Variants in RPP38 observed in about 807,000 individuals in gnomAD.
RPP38 encodes the protein ribonuclease P/MRP subunit p38, also known as ribonuclease P protein subunit p38.
RPP38 carries 2 observed loss-of-function variants against 1.7 expected under a neutral mutation model. The ratio of observed to expected loss-of-function variants is 1.18; its 90% CI spans 0.48 to 3.70. The LOEUF (loss-of-function observed/expected upper bound fraction) is 3.70. Among genes scored for constraint, RPP38 ranks in the 30% most tolerant of loss-of-function variants. RPP38 has a pLI of 0.07. For synonymous variants in RPP38, 151 were observed against 131.8 expected (o/e 1.15, Z -1.00); for missense variants, 358 against 340.1 (o/e 1.05, Z -0.41).
chr10:15,099,077 A>G (rs536803142), intron 1 of RPP38, among the ~76,000 whole-genome samples: 1 of 152,276 alleles, frequency 6.6e-6, no homozygotes, highest in East Asian at 1.9e-4. Context: ...CTGTGAGAAA[A>G]AATACTTAAT....
At chr10:15,098,884 C>CA (rs781428605) in intron 1 of RPP38, among the ~76,000 whole-genome samples, 703 of 39,062 alleles carry the variant, frequency 0.018, 6 homozygotes, top group Non-Finnish European at 0.022. Context: ...GACTCCGTCT[C>CA]AAAAAAAAAA....
At chr10:15,098,547 C>G (rs958716368) in intron 1 of RPP38, among the ~76,000 whole-genome samples, 4 of 150,440 alleles carry the variant, frequency 2.7e-5, no homozygotes, top group Non-Finnish European at 3.0e-5. Context: ...TACTGAGATA[C>G]CTTTCTTTAC....
intron 1 of RPP38, among the ~76,000 whole-genome samples, chr10:15,101,967 C>T (rs1205766623): frequency 6.6e-6 from 1 of 151,966 alleles, no homozygotes; most frequent in East Asian, 1.9e-4. Flanking sequence ...AATTTAGGGC[C>T]CTGGGAGGTG....
In RPP38 at chr10:15,103,350, T is replaced by C. The variant is rs1845176975; in HGVS notation, c.36T>C (p.Ser12=). 1.3e-6 allele frequency: 2 copies of C among 1,596,420 alleles called. No homozygotes were observed. Among genetic ancestry groups the C allele is most frequent in the Non-Finnish European group, 1.7e-6 (2 of 1,172,998 alleles). Residue 12 remains serine (S), a synonymous_variant, in exon 3 of 3, where the codon TCT becomes TCC. Coordinates refer to ENST00000378197, the MANE Select transcript of RPP38 (RefSeq NM_183005.5). ...CTCCTCAAGCACCGGGGCGGGGATCTCTCCGTAAGACGAGACCTCTGGTTG... is the reference window on the plus strand; with the variant it reads ...CTCCTCAAGCACCGGGGCGGGGATCCCTCCGTAAGACGAGACCTCTGGTTG... ...AAAPQAPGRG[S]LRKTRPLVVK... is the part of the protein sequence containing the mutation.
intron 1 of RPP38, among the ~76,000 whole-genome samples, chr10:15,100,515 C>T (rs572887990): frequency 1.1e-4 from 17 of 152,046 alleles, no homozygotes; most frequent in African/African-American, 3.6e-4. Flanking sequence ...AGGGTGTGAT[C>T]TCTCACCCTA....
At chr10:15,101,868 C>T (rs141940047) in intron 1 of RPP38, among the ~76,000 whole-genome samples, 1 of 151,852 alleles carries the variant, frequency 6.6e-6, no homozygotes, top group East Asian at 1.9e-4. Flanking sequence ...CCAGCCTAGG[C>T]AACAAGAGCA....
chr10:15,100,010 T>C (rs1049376366), intron 1 of RPP38, among the ~76,000 whole-genome samples: 20 of 152,192 alleles, frequency 1.3e-4, no homozygotes, highest in African/African-American at 4.8e-4. Context: ...GAGACAGCTC[T>C]AAAGGGCCCT....
intron 1 of RPP38, among the ~76,000 whole-genome samples, chr10:15,101,707 A>G (rs989645984): frequency 6.6e-6 from 1 of 152,050 alleles, no homozygotes; most frequent in African/African-American, 2.4e-5. Flanking sequence ...CCTGGCCAAC[A>G]TGGTGAACCC....
At chr10:15,099,447 C>T (rs75197034) in intron 1 of RPP38, among the ~76,000 whole-genome samples, 6 of 150,974 alleles carry the variant, frequency 4.0e-5, no homozygotes, top group African/African-American at 1.2e-4. Context: ...GCCCAGGCAA[C>T]AAAGCAAGAC....
chr10:15,101,905 A>G lies in RPP38; in HGVS notation c.-129-313A>G, dbSNP rs1031032287. ...AACTCCGTCTCAAAAAACAAAAAAAAGGGAGTGTATGCCTGCATATGTATC... is the reference window on the plus strand; with the variant it reads ...AACTCCGTCTCAAAAAACAAAAAAAGGGGAGTGTATGCCTGCATATGTATC... On this transcript the variant is annotated intron_variant, in intron 1 of 2. Transcript: ENST00000378197. Among the ~76,000 whole-genome samples the G allele has an allele frequency of 9.2e-5, 14 of 152,060 alleles. 1 individual carries two copies. Among genetic ancestry groups the G allele is most frequent in the African/African-American group, 2.9e-4 (12 of 41,404 alleles).
At position 15,103,513 on chromosome 10, in the gene RPP38, A is replaced by G. The variant is rs1269602238; in HGVS notation, c.199A>G (p.Asn67Asp). The change falls in exon 3 of 3, where the codon AAC becomes GAC. Residue 67 changes from asparagine to aspartate, a missense_variant. Physicochemically the swap from Asn to Asp is conservative, Grantham distance 23 (BLOSUM62 1). Transcript: ENST00000378197. ...LQKIEDKKKK[N>D]KTPFLKKESR... ...GAAGATTGAAGATAAGAAGAAAAAG[A>G]ACAAAACACCTTTTCTGAAAAAAGA... is the stretch of plus-strand genomic sequence containing the variant. 6.2e-7 allele frequency: 1 copy of G among 1,614,152 alleles called. No individual in the cohort carries two copies. The highest frequency in any genetic ancestry group is 8.5e-7 in the Non-Finnish European group (1 of 1,180,042).
Position 15,104,190 on chromosome 10 carries a change from T to C in RPP38, c.*24T>C, listed in dbSNP as rs761933380. 1.5e-5 allele frequency: 23 copies of C among 1,542,174 alleles called. No homozygotes were observed. In the South Asian group the frequency reaches 2.8e-4, roughly 19 times the overall value. Reference sequence around the variant, plus strand: ...AATCTTGCATAAACTTGTCATGTCATACAGTTTGTGAAAGGACACCTTGTA... The same window carrying C: ...AATCTTGCATAAACTTGTCATGTCACACAGTTTGTGAAAGGACACCTTGTA... On this transcript the variant is annotated 3_prime_UTR_variant, in exon 3 of 3. Transcript: ENST00000378197.
rs1845188653 is a variant in RPP38 at position 15,103,532 on chromosome 10, A to G, written c.218A>G (p.Lys73Arg). The change falls in exon 3 of 3, where the codon AAA becomes AGA. Residue 73 changes from lysine (K) to arginine (R), a missense_variant. Physicochemically the swap from Lys to Arg is conservative, Grantham distance 26 (BLOSUM62 2). Transcript: ENST00000378197. The stretch of plus-strand genomic sequence containing the variant: ...AAAAAGAACAAAACACCTTTTCTGA[A>G]AAAAGAAAGCAGAGAGAAATGCAGC... Reference protein sequence around the residue: ...KKKKNKTPFLKKESREKCSIA... With the variant: ...KKKKNKTPFLRKESREKCSIA... 6.2e-7 allele frequency: 1 copy of G among 1,614,162 alleles called. No individual in the cohort carries two copies. Among genetic ancestry groups the G allele is most frequent in the Non-Finnish European group, 8.5e-7 (1 of 1,180,034 alleles).
At chr10:15,099,248 G>A (rs1257064873) in intron 1 of RPP38, among the ~76,000 whole-genome samples, 1 of 152,168 alleles carries the variant, frequency 6.6e-6, no homozygotes, top group Non-Finnish European at 1.5e-5. Flanking sequence ...ATGTTGTTCG[G>A]TGTTGAGGAC....
chr10:15,103,699 C>T lies in RPP38; in HGVS notation c.385C>T (p.Leu129=), dbSNP rs747940671. 1 of 1,613,982 alleles carries T rather than the reference C, an allele frequency of 6.2e-7. No homozygotes were observed. Among genetic ancestry groups the T allele is most frequent in the South Asian group, 1.1e-5 (1 of 91,086 alleles). The part of the protein sequence containing the change: ...EVTRALERRE[L]LLVLVCKSVK... ...TACCAGAGCCCTGGAAAGGAGGGAACTGCTGTTAGTTCTGGTGTGTAAATC... is the reference window on the plus strand; with the variant it reads ...TACCAGAGCCCTGGAAAGGAGGGAATTGCTGTTAGTTCTGGTGTGTAAATC... The change falls in exon 3 of 3, where the codon CTG becomes TTG. Residue 129 remains leucine (L), a synonymous_variant. Transcript: ENST00000378197.
Position 15,103,293 on chromosome 10 carries a change from GCTT to G in RPP38, c.-10-8_-10-6del. 6.4e-7 allele frequency: 1 copy of G among 1,551,412 alleles called. No homozygotes were observed. Among genetic ancestry groups the G allele is most frequent in the Non-Finnish European group, 8.7e-7 (1 of 1,152,858 alleles). ...CATGAATTTTTTCTGTTGTCATTTT[GCTT>G]CTTGGAAGGATTTTCAAAATGGCTG... On this transcript the variant is annotated splice_polypyrimidine_tract_variant and intron_variant, in intron 2 of 2. Transcript: ENST00000378197.
chr10:15,098,134 G>C (rs1844996767), intron 1 of RPP38, among the ~76,000 whole-genome samples: 1 of 151,338 alleles, frequency 6.6e-6, no homozygotes, highest in Non-Finnish European at 1.5e-5. Flanking sequence ...GCTTGCAAAG[G>C]TCTTCATTAT....
At chr10:15,099,290 G>T (rs7907915) in intron 1 of RPP38, among the ~76,000 whole-genome samples, 1 of 151,636 alleles carries the variant, frequency 6.6e-6, no homozygotes, top group Non-Finnish European at 1.5e-5. Context: ...GAGAAAGAGG[G>T]CCTAAGTGGG....
Position 15,103,856 on chromosome 10 carries a change from C to G in RPP38, c.542C>G (p.Ala181Gly), listed in dbSNP as rs15772. ...GGCTTAAAATGTGTTCTAGCCTTGG[C>G]GTTCAAAAAGAACACCACTGACTTT... is the stretch of plus-strand genomic sequence containing the variant. ...VIGLKCVLAL[A>G]FKKNTTDFVD... The change falls in exon 3 of 3, where the codon GCG (alanine) becomes GGG (glycine). Residue 181 changes from alanine to glycine, a missense_variant. By Grantham distance (60) the Ala-to-Gly change is moderately conservative. Transcript: ENST00000378197. The G allele has an allele frequency of 0.25, 400,449 of 1,613,792 alleles. 62,199 individuals carry two copies. Among genetic ancestry groups the G allele is most frequent in the African/African-American group, 0.78 (58,362 of 74,936 alleles).
Sources: gnomAD v4.1 joint callset for allele counts (sites outside exome capture counted in the v4.1 genomes callset) on GRCh38, gnomAD v4.1.1 for gene constraint, MANE v1.5 for transcripts, NCBI Gene and HGNC (gene_info 2026-07-23, HGNC 2026-07-21) for gene names.